The following TRABD2B variants were observed in gnomAD, a reference collection of about 807,000 sequenced individuals.
The protein encoded by TRABD2B is TraB domain containing 2B.
Under a neutral mutation model 40.1 loss-of-function variants are expected in TRABD2B, and 14 were observed. The observed-to-expected ratio is 0.35, with a 90% CI of 0.23 to 0.55. The LOEUF (loss-of-function observed/expected upper bound fraction) is 0.55. Ranked by LOEUF, TRABD2B falls within the 20% of genes least tolerant of loss-of-function variation. TRABD2B has a pLI of 0.90. For synonymous variants in TRABD2B, 263 were observed against 277.0 expected, an observed-to-expected ratio of 0.95 and a Z score of 0.50; for missense variants, 541 against 648.6, an observed-to-expected ratio of 0.83 and a Z score of 1.80.
At chr1:47,930,831 G>A (rs1158067176) in intron 2 of TRABD2B, among the ~76,000 whole-genome samples, 2 of 152,050 alleles carry the variant, frequency 1.3e-5, no homozygotes, top group South Asian at 2.1e-4. Context: ...AAGGAAAAGG[G>A]ACTGACCCAG....
intron 4 of TRABD2B, among the ~76,000 whole-genome samples, chr1:47,780,249 T>G (rs1308541179): frequency 2.0e-5 from 3 of 152,238 alleles, no homozygotes; most frequent in African/African-American, 7.2e-5. Flanking sequence ...ACACTTACTC[T>G]GAGACCTCAG....
intron 2 of TRABD2B, among the ~76,000 whole-genome samples, chr1:47,879,889 G>A (rs1354308060): frequency 6.6e-6 from 1 of 152,236 alleles, no homozygotes; most frequent in African/African-American, 2.4e-5. Flanking sequence ...GGCCACCCCT[G>A]CCAGGCTGAC....
chr1:47,960,302 C>A (rs1238086181), intron 2 of TRABD2B, among the ~76,000 whole-genome samples: 2 of 152,148 alleles, frequency 1.3e-5, no homozygotes, highest in African/African-American at 4.8e-5. Context: ...TGAAAACTGG[C>A]ACAAGACGGG....
rs1646107457 is a variant in TRABD2B at position 47,997,252 on chromosome 1, G to A, written c.-463C>T. Reference sequence around the variant, plus strand: ...GCGCAGTGGGACAAGTGCGGCGGAAGGCGCGGCAGGGGTGGGGGGCGGCTC... The same window carrying A: ...GCGCAGTGGGACAAGTGCGGCGGAAAGCGCGGCAGGGGTGGGGGGCGGCTC... On this transcript the variant is annotated 5_prime_UTR_variant, in exon 1 of 7. Coordinates refer to ENST00000606738, the MANE Select transcript of TRABD2B (RefSeq NM_001194986.2). 5.1e-6 allele frequency: 5 copies of A among 981,038 alleles called. No individual in the cohort carries two copies. In the South Asian group the frequency reaches 1.4e-4, roughly 28 times the overall value. 60.8% of individuals were successfully genotyped at this position (981,038 alleles called of 1,614,324 possible).
chr1:47,907,760 C>T (rs1476397178), intron 2 of TRABD2B, among the ~76,000 whole-genome samples: 1 of 152,180 alleles, frequency 6.6e-6, no homozygotes, highest in Non-Finnish European at 1.5e-5. Flanking sequence ...TAGGAAAACC[C>T]TCACAGTGTT....
chr1:47,950,499 A>C (rs1044051790), intron 2 of TRABD2B, among the ~76,000 whole-genome samples: 1 of 152,184 alleles, frequency 6.6e-6, no homozygotes, highest in Non-Finnish European at 1.5e-5. Flanking sequence ...CAAAGTTAGA[A>C]TGAGATCAGA....
At chr1:47,974,047 T>C (rs1645720207) in intron 2 of TRABD2B, among the ~76,000 whole-genome samples, 1 of 152,126 alleles carries the variant, frequency 6.6e-6, no homozygotes, top group Non-Finnish European at 1.5e-5. Flanking sequence ...GAGGCTGCAG[T>C]GAGCCATGAT....
rs76402382 is a variant in TRABD2B, at chr1:47,877,131, C to T, written c.667-75512G>A. 4.7e-3 allele frequency among the ~76,000 whole-genome samples: 705 copies of T among 151,224 alleles called. 6 individuals carry two copies. The highest frequency in any genetic ancestry group is 0.017 in the African/African-American group (690 of 41,136). On this transcript the variant is annotated intron_variant, in intron 2 of 6. Transcript: ENST00000606738. Reference sequence around the variant, plus strand: ...CTCAGAAAGGGACATCTGAAAAGGACTCTTTGAGTTTGTGAAATACAAGCA... The same window carrying T: ...CTCAGAAAGGGACATCTGAAAAGGATTCTTTGAGTTTGTGAAATACAAGCA...
At chr1:47,821,562 G>A (rs930373683) in intron 2 of TRABD2B, among the ~76,000 whole-genome samples, 1 of 152,168 alleles carries the variant, frequency 6.6e-6, no homozygotes, top group African/African-American at 2.4e-5. Flanking sequence ...GCTCAGGGCT[G>A]TGCCATGCCT....
chr1:47,936,215 G>A (rs1179875592), intron 2 of TRABD2B, among the ~76,000 whole-genome samples: 1 of 152,162 alleles, frequency 6.6e-6, no homozygotes, highest in African/African-American at 2.4e-5. Flanking sequence ...GAAGAGATTG[G>A]TTTACTTGGG....
chr1:47,978,053 C>T (rs1188386141), intron 2 of TRABD2B, among the ~76,000 whole-genome samples: 1 of 152,052 alleles, frequency 6.6e-6, no homozygotes, highest in East Asian at 1.9e-4. Flanking sequence ...GTGTCCCTCC[C>T]CAACCCCCAA....
intron 6 of TRABD2B, among the ~76,000 whole-genome samples, chr1:47,768,109 C>T (rs1644329541): frequency 6.6e-6 from 1 of 152,228 alleles, no homozygotes; most frequent in South Asian, 2.1e-4. Flanking sequence ...GGTCCTCACT[C>T]ACTGCCCCAT....
rs893147707 is a variant in TRABD2B at position 47,764,292 on chromosome 1, C to T, written c.*1610G>A. On this transcript the variant is annotated 3_prime_UTR_variant, in exon 7 of 7. Transcript: ENST00000606738. Reference sequence around the variant, plus strand: ...CCTCTCTGTGGGCCTTATTATTCCTCCTACTGTTACTATTATCCATCAAGT... The same window carrying T: ...CCTCTCTGTGGGCCTTATTATTCCTTCTACTGTTACTATTATCCATCAAGT... 2.6e-5 allele frequency: 4 copies of T among 152,258 alleles called. No individual in the cohort carries two copies. Among genetic ancestry groups the T allele is most frequent in the African/African-American group, 9.6e-5 (4 of 41,456 alleles). The allele number at this position is 152,258 out of a possible 1,614,324, so 9.4% of individuals were successfully genotyped here. A position where few individuals can be genotyped will look rare whatever the true frequency, so the allele number is the denominator to read the frequency against.
intron 2 of TRABD2B, among the ~76,000 whole-genome samples, chr1:47,844,723 A>G (rs183797112): frequency 1.3e-5 from 2 of 152,342 alleles, no homozygotes; most frequent in East Asian, 1.9e-4. Context: ...GCCTACGAGG[A>G]TAAGATTTCA....
intron 2 of TRABD2B, among the ~76,000 whole-genome samples, chr1:47,903,341 C>T (rs1028241703): frequency 6.6e-6 from 1 of 152,132 alleles, no homozygotes; most frequent in African/African-American, 2.4e-5. Context: ...TATGCCTTGC[C>T]ATTCACAGAG....
At chr1:47,792,670 C>T (rs2124204724) in intron 4 of TRABD2B, among the ~76,000 whole-genome samples, 1 of 152,264 alleles carries the variant, frequency 6.6e-6, no homozygotes, top group East Asian at 1.9e-4. Flanking sequence ...CCCCTCACTG[C>T]TGTGATTTTC....
chr1:47,993,561 T>C (rs1052079728), intron 2 of TRABD2B, among the ~76,000 whole-genome samples: 1 of 152,198 alleles, frequency 6.6e-6, no homozygotes, highest in Non-Finnish European at 1.5e-5. Flanking sequence ...AGCACTCTAC[T>C]GTCGCCAGGT....
intron 2 of TRABD2B, among the ~76,000 whole-genome samples, chr1:47,859,676 T>C (rs1317288949): frequency 6.6e-6 from 1 of 152,220 alleles, no homozygotes. Flanking sequence ...TCACATCTCC[T>C]GGCTCAGAGT....
At chr1:47,783,638 A>G (rs1373998120) in intron 4 of TRABD2B, among the ~76,000 whole-genome samples, 1 of 152,230 alleles carries the variant, frequency 6.6e-6, no homozygotes, top group African/African-American at 2.4e-5. Flanking sequence ...ATATACAAAC[A>G]GGAAGAGGTT....
Sources: gnomAD v4.1 joint callset for allele counts (sites outside exome capture counted in the v4.1 genomes callset) on GRCh38, gnomAD v4.1.1 for gene constraint, MANE v1.5 for transcripts, NCBI Gene and HGNC (gene_info 2026-07-23, HGNC 2026-07-21) for gene names.